FGF12: variants seen among roughly 807,000 people sequenced by gnomAD.
The protein encoded by FGF12 is fibroblast growth factor 12.
A neutral mutation model predicts 23.6 loss-of-function variants in FGF12; 14 were observed. The ratio of observed to expected loss-of-function variants is 0.59; its 90% CI spans 0.39 to 0.93. The LOEUF (loss-of-function observed/expected upper bound fraction) is 0.93. Among genes scored for constraint, FGF12 ranks in the 40% least tolerant of loss-of-function variants. The pLI is 0.00. For synonymous variants in FGF12, 62 were observed against 77.3 expected (o/e 0.80, Z 1.04); for missense variants, 175 against 217.8 (o/e 0.80, Z 1.24).
chr3:192,622,768 A>G (rs900622641), intron 2 of FGF12, among the ~76,000 whole-genome samples: 7 of 152,140 alleles, frequency 4.6e-5, no homozygotes, highest in African/African-American at 1.7e-4. Context: ...TCAGGTGAGG[A>G]CCCAAATGCA....
intron 2 of FGF12, among the ~76,000 whole-genome samples, chr3:192,616,737 A>G (rs1714768755): frequency 6.6e-6 from 1 of 151,928 alleles, no homozygotes; most frequent in South Asian, 2.1e-4. Context: ...GGCATTATGT[A>G]CACCCTCATG....
intron 5 of FGF12, among the ~76,000 whole-genome samples, chr3:192,166,815 C>T (rs1433904707): frequency 6.6e-6 from 1 of 151,880 alleles, no homozygotes; most frequent in Non-Finnish European, 1.5e-5. Flanking sequence ...AGGTGTTTGG[C>T]CTAAAACCAA....
At chr3:192,650,577 T>G (rs1045836924) in intron 2 of FGF12, among the ~76,000 whole-genome samples, 1 of 152,212 alleles carries the variant, frequency 6.6e-6, no homozygotes, top group African/African-American at 2.4e-5. Context: ...TGTCATACTT[T>G]GTCCTTAAAT....
chr3:192,662,563 A>G (rs1420606768), intron 2 of FGF12, among the ~76,000 whole-genome samples: 1 of 152,186 alleles, frequency 6.6e-6, no homozygotes, highest in African/African-American at 2.4e-5. Flanking sequence ...TGGATCCTCT[A>G]CAAAGAGGAG....
rs565476466 is a variant in FGF12 at position 192,336,039 on chromosome 3, A to G, written c.125-575T>C. 5.3e-5 allele frequency among the ~76,000 whole-genome samples: 8 copies of G among 152,080 alleles called. No individual in the cohort carries two copies. The East Asian group carries it at 1.5e-3, about 29-fold the overall frequency. ...TTTTTACATGTAAATAAACAGAGAT[A>G]AACAGATGGACAGATGATTGATAGA... is the stretch of plus-strand genomic sequence containing the variant. On this transcript the variant is annotated intron_variant, in intron 3 of 5. Transcript: ENST00000445105. The surrounding 1 kb of genome is among the most constrained non-coding windows in gnomAD (Gnocchi z 4.3).
chr3:192,375,378 C>T (rs1338743700), intron 2 of FGF12, among the ~76,000 whole-genome samples: 1 of 152,018 alleles, frequency 6.6e-6, no homozygotes, highest in East Asian at 1.9e-4. Flanking sequence ...TTCCCTTTAT[C>T]TTGAATTGGA....
At chr3:192,253,739 A>G (rs532228240) in intron 4 of FGF12, among the ~76,000 whole-genome samples, 6 of 152,230 alleles carry the variant, frequency 3.9e-5, no homozygotes, top group Admixed American at 6.5e-5. Context: ...GCATAAAAAG[A>G]TGCAGGAAAT....
intron 2 of FGF12, among the ~76,000 whole-genome samples, chr3:192,572,829 A>T (rs1465037744): frequency 1.3e-5 from 2 of 152,212 alleles, no homozygotes; most frequent in African/African-American, 2.4e-5. Context: ...CACAATGGCA[A>T]TGTATAGAAC....
intron 2 of FGF12, among the ~76,000 whole-genome samples, chr3:192,659,988 T>C (rs527974321): frequency 6.6e-6 from 1 of 152,178 alleles, no homozygotes; most frequent in South Asian, 2.1e-4. Context: ...TTATAATCCT[T>C]TGGGTATATA....
intron 2 of FGF12, among the ~76,000 whole-genome samples, chr3:192,373,099 T>G (rs890822690): frequency 1.4e-5 from 2 of 146,568 alleles, no homozygotes; most frequent in Non-Finnish European, 3.0e-5. Context: ...CAGCACACTG[T>G]TTTTTTTTTC....
chr3:192,727,510 C>A lies in FGF12; in HGVS notation c.-157G>T. The A allele has an allele frequency of 1.8e-6, 1 of 554,998 alleles. No homozygotes were observed. The highest frequency in any genetic ancestry group is 3.1e-6 in the Non-Finnish European group (1 of 323,620). The allele number at this position is 554,998 out of a possible 1,614,324, so 34.4% of individuals were successfully genotyped here. On this transcript the variant is annotated 5_prime_UTR_variant, in exon 1 of 6. Coordinates refer to ENST00000445105, the MANE Select transcript of FGF12 (RefSeq NM_004113.6). ...TGGGTCTGGAAGCTGCAGGCAGGAG[C>A]TGTCCTCCGAGCGTGGTGCTGCAGG...
intron 4 of FGF12, among the ~76,000 whole-genome samples, chr3:192,318,965 A>AAAAACAAAAC (rs537373153): frequency 6.6e-6 from 1 of 152,008 alleles, no homozygotes; most frequent in African/African-American, 2.4e-5. Flanking sequence ...CTGAAGGGGG[A>AAAAACAAAAC]AAAACAAAAC....
chr3:192,194,555 A>T (rs1176310775), intron 4 of FGF12, among the ~76,000 whole-genome samples: 1 of 152,192 alleles, frequency 6.6e-6, no homozygotes, highest in Non-Finnish European at 1.5e-5. Context: ...ATTTTCATAT[A>T]TATTTAGATG....
intron 2 of FGF12, among the ~76,000 whole-genome samples, chr3:192,677,283 G>T (rs1215170958): frequency 6.6e-6 from 1 of 152,094 alleles, no homozygotes; most frequent in Non-Finnish European, 1.5e-5. Flanking sequence ...GCCCCACATT[G>T]ATAATAACTG....
At chr3:192,709,123 A>C (rs2108737095) in intron 2 of FGF12, among the ~76,000 whole-genome samples, 1 of 152,334 alleles carries the variant, frequency 6.6e-6, no homozygotes. Context: ...AAACACAGAA[A>C]TGTCTCAAAA....
intron 2 of FGF12, among the ~76,000 whole-genome samples, chr3:192,586,141 T>G (rs1713365362): frequency 6.6e-6 from 1 of 152,162 alleles, no homozygotes. Flanking sequence ...TTGCTTCTTG[T>G]GCACTTGTGA....
At chr3:192,372,374 A>G (rs1375072421) in intron 2 of FGF12, among the ~76,000 whole-genome samples, 1 of 144,500 alleles carries the variant, frequency 6.9e-6, no homozygotes, top group African/African-American at 2.7e-5. Flanking sequence ...ACTTTTGTCT[A>G]TCATCTTTTC....
intron 2 of FGF12, among the ~76,000 whole-genome samples, chr3:192,432,820 G>C (rs1721903981): frequency 6.6e-6 from 1 of 152,106 alleles, no homozygotes. Context: ...CAGTGAAGCT[G>C]TGTCCGGTTT....
rs532909428 is a variant in FGF12 at position 192,278,430 on chromosome 3, G to A, written c.228+56931C>T. The stretch of plus-strand genomic sequence containing the variant: ...TCTTCCCATTGTACTGAGAAGCACA[G>A]TACACCAACGTCAAAATATAGTCCC... On this transcript the variant is annotated intron_variant, in intron 4 of 5. Transcript: ENST00000445105. Among the ~76,000 whole-genome samples the A allele has an allele frequency of 3.9e-5, 6 of 152,274 alleles. No homozygotes were observed. In the South Asian group the frequency reaches 1.2e-3, roughly 32 times the overall value.
Sources: gnomAD v4.1 joint callset for allele counts (sites outside exome capture counted in the v4.1 genomes callset) on GRCh38, gnomAD v4.1.1 for gene constraint, Gnocchi (gnomAD v3.1) non-coding constraint, MANE v1.5 for transcripts, NCBI Gene and HGNC (gene_info 2026-07-23, HGNC 2026-07-21) for gene names.